Variants in TRIM14 observed in about 807,000 individuals in gnomAD.
TRIM14 encodes the protein tripartite motif-containing protein 14.
A neutral mutation model predicts 44.5 loss-of-function variants in TRIM14; 28 were observed. That is an observed-to-expected ratio of 0.63 (90% confidence interval 0.47 to 0.86). The LOEUF is 0.86. Among genes scored for constraint, TRIM14 ranks in the 40% least tolerant of loss-of-function variants. TRIM14 has a pLI of 0.00. For synonymous variants in TRIM14, 299 were observed against 269.2 expected, an observed-to-expected ratio of 1.11 and a Z score of -1.08; for missense variants, 607 against 611.1, an observed-to-expected ratio of 0.99 and a Z score of 0.07.
chr9:98,056,769 C>G, the TRIM14 span: 32 of 1,602,524 alleles, frequency 2.0e-5, no homozygotes, highest in Non-Finnish European at 2.6e-5. Flanking sequence ...GGCGGCCGGA[C>G]CCAGACTGGT....
intron 6 of TRIM14, chr9:98,076,806 C>T (rs1829611821): frequency 1.3e-6 from 1 of 775,834 alleles, no homozygotes; most frequent in South Asian, 1.7e-5. Flanking sequence ...GCTGAGCGTC[C>T]CTCTACTGCC....
intron 6 of TRIM14, chr9:98,076,142 C>T (rs761396533): frequency 1.3e-5 from 2 of 152,118 alleles, no homozygotes; most frequent in African/African-American, 4.8e-5. Context: ...AGCCATGGAT[C>T]CTTATGTAGA....
At chr9:98,060,961 G>T in the TRIM14 span, 1 of 1,614,080 alleles carries the variant, frequency 6.2e-7, no homozygotes, top group Non-Finnish European at 8.5e-7. Context: ...ACGCCGAGGA[G>T]GTTGGGATCT....
chr9:98,070,474 G>A (rs1196085942), intron 6 of TRIM14, among the ~76,000 whole-genome samples: 12 of 152,138 alleles, frequency 7.9e-5, no homozygotes, highest in Non-Finnish European at 1.8e-4. Context: ...AGGCCGGAGT[G>A]CAATGGCGTG....
At chr9:98,064,443 A>G (rs1829075574), downstream of TRIM14, among the ~76,000 whole-genome samples, 1 of 152,166 alleles carries the variant, frequency 6.6e-6, no homozygotes, top group East Asian at 1.9e-4. Flanking sequence ...TTTAGTAGAG[A>G]TGGGGTTTCA....
At chr9:98,110,542 T>G (rs1261150361) in intron 1 of TRIM14, among the ~76,000 whole-genome samples, 1 of 152,094 alleles carries the variant, frequency 6.6e-6, no homozygotes, top group Non-Finnish European at 1.5e-5. Context: ...TCCCCAAGGG[T>G]GTGATCTCGT....
chr9:98,117,150 G>T (rs1827082643), intron 1 of TRIM14, among the ~76,000 whole-genome samples: 2 of 152,102 alleles, frequency 1.3e-5, no homozygotes, highest in South Asian at 4.1e-4. Context: ...AACAAGGAAG[G>T]TTGTAGAAAA....
intron 4 of TRIM14, among the ~76,000 whole-genome samples, chr9:98,094,283 T>C (rs1470531606): frequency 2.0e-5 from 3 of 152,228 alleles, no homozygotes; most frequent in Admixed American, 1.3e-4. Flanking sequence ...AGTACATGTT[T>C]TGTGCCAGGC....
intron 6 of TRIM14, among the ~76,000 whole-genome samples, chr9:98,077,495 C>T (rs561735790): frequency 6.6e-6 from 1 of 151,856 alleles, no homozygotes; most frequent in South Asian, 2.1e-4. Flanking sequence ...CAGGTGTGAG[C>T]CACTGCACCT....
intron 5 of TRIM14, among the ~76,000 whole-genome samples, chr9:98,091,361 G>A (rs1780343488): frequency 6.6e-6 from 1 of 152,054 alleles, no homozygotes; most frequent in South Asian, 2.1e-4. Flanking sequence ...GGAGGCTGAG[G>A]TGGGAAAATC....
chr9:98,052,895 C>T, the TRIM14 span, among the ~76,000 whole-genome samples: 4 of 152,198 alleles, frequency 2.6e-5, no homozygotes, highest in African/African-American at 7.2e-5. Flanking sequence ...GAAATTAATA[C>T]ATTTTAACTA....
chr9:98,068,828 T>TA (rs35363398), downstream of TRIM14, among the ~76,000 whole-genome samples: 420 of 143,166 alleles, frequency 2.9e-3, no homozygotes, highest in African/African-American at 7.0e-3. Flanking sequence ...ATCCTGTCTC[T>TA]AAAAAAAAAA....
At chr9:98,043,560 G>C in the TRIM14 span, among the ~76,000 whole-genome samples, 2 of 152,056 alleles carry the variant, frequency 1.3e-5, no homozygotes, top group Admixed American at 6.6e-5. Flanking sequence ...TGGTGTGCTA[G>C]AGGGAAGTTA....
At chr9:98,100,944 TA>T (rs1826366059) in intron 2 of TRIM14, among the ~76,000 whole-genome samples, 1 of 152,048 alleles carries the variant, frequency 6.6e-6, no homozygotes, top group African/African-American at 2.4e-5. Flanking sequence ...ATAAATCAAT[TA>T]GATGAAATAC....
chr9:98,075,546 A>G (rs538300767), intron 6 of TRIM14: 1 of 152,238 alleles, frequency 6.6e-6, no homozygotes, highest in South Asian at 2.1e-4. Flanking sequence ...TCCTAGACCA[A>G]TCAGAGTTTG....
the TRIM14 span, chr9:98,056,958 G>A: frequency 6.4e-7 from 1 of 1,562,952 alleles, no homozygotes; most frequent in Non-Finnish European, 8.7e-7. Flanking sequence ...GGCAGCTCCC[G>A]GGACCCGGGA....
chr9:98,040,344 C>T, the TRIM14 span, among the ~76,000 whole-genome samples: 293 of 152,180 alleles, frequency 1.9e-3, 1 homozygote, highest in African/African-American at 6.9e-3. Context: ...CCAAGTGGCC[C>T]CTGATCCCCA....
Position 98,087,681 on chromosome 9 carries a change from G to A in TRIM14, c.1118C>T (p.Ala373Val). The A allele has an allele frequency of 6.2e-7, 1 of 1,601,940 alleles. No individual in the cohort carries two copies. The highest frequency in any genetic ancestry group is 8.5e-7 in the Non-Finnish European group (1 of 1,178,668). The change falls in exon 6 of 6, where the codon GCC becomes GTC. Residue 373 changes from alanine (A) to valine (V), a missense_variant. Physicochemically the swap from Ala to Val is moderately conservative, Grantham distance 64. This residue lies in a region of TRIM14 where 356 missense variants were observed against 323.0 expected (regional missense o/e 1.10). Coordinates refer to ENST00000341469, the MANE Select transcript of TRIM14 (RefSeq NM_014788.4). ...CLKRYDLEYWAFHDGQRSRLR... is the reference protein window; with the variant it reads ...CLKRYDLEYWVFHDGQRSRLR... ...GCGGCTGCGCTGGCCGTCGTGGAAG[G>A]CCCAGTACTCAAGGTCGTAGCGCTT... is the stretch of plus-strand genomic sequence containing the variant.
chr9:98,102,027 A>G (rs1826417164), intron 2 of TRIM14, among the ~76,000 whole-genome samples: 1 of 150,642 alleles, frequency 6.6e-6, no homozygotes, highest in East Asian at 1.9e-4. Context: ...AAAAAAAAAG[A>G]AAAGAAAAAA....
Sources: allele counts gnomAD v4.1 joint callset (sites outside exome capture counted in the v4.1 genomes callset), GRCh38; gene constraint gnomAD v4.1.1; regional missense constraint gnomAD v4.1.1; transcripts MANE v1.5; gene names NCBI Gene and HGNC (gene_info 2026-07-23, HGNC 2026-07-21).